The following IL4R variants were observed in gnomAD, a reference collection of about 807,000 sequenced individuals.
IL4R encodes the protein interleukin 4 receptor.
IL4R carries 17 observed loss-of-function variants against 41.5 expected under a neutral mutation model. That is an observed-to-expected ratio of 0.41 (90% CI 0.28 to 0.61). IL4R has a LOEUF of 0.61. Among genes scored for constraint, IL4R ranks in the 20% least tolerant of loss-of-function variants. IL4R has a pLI of 0.31. For synonymous variants in IL4R, 402 were observed against 422.9 expected, an observed-to-expected ratio of 0.95 and a Z score of 0.61; for missense variants, 974 against 1,043.1, an observed-to-expected ratio of 0.93 and a Z score of 0.91.
At chr16:27,320,563 C>G (rs1339949776) in intron 1 of IL4R, among the ~76,000 whole-genome samples, 1 of 152,162 alleles carries the variant, frequency 6.6e-6, no homozygotes, top group Non-Finnish European at 1.5e-5. Context: ...AGATTCAAAC[C>G]CAGGGCTACA....
chr16:27,316,673 C>T (rs991475926), intron 1 of IL4R, among the ~76,000 whole-genome samples: 1 of 152,188 alleles, frequency 6.6e-6, no homozygotes, highest in African/African-American at 2.4e-5. Flanking sequence ...TCTGTTGTTA[C>T]CTGTCAAAAC....
Position 27,344,931 on chromosome 16 carries a change from A to G in IL4R, c.272A>G (p.Asp91Gly). ...GGGTGCGTGTGCCACCTGCTCATGGATGACGTGGTCAGTGCGGATAACTAT... is the reference window on the plus strand; with the variant it reads ...GGGTGCGTGTGCCACCTGCTCATGGGTGACGTGGTCAGTGCGGATAACTAT... Reference protein sequence around the residue: ...GAGCVCHLLMDDVVSADNYTL... With the variant: ...GAGCVCHLLMGDVVSADNYTL... Residue 91 changes from aspartate (D) to glycine (G), a missense_variant, in exon 5 of 11, where the codon GAT (aspartate) becomes GGT (glycine). By Grantham distance (94) the Asp-to-Gly change is moderately conservative. Around this residue, in one of 3 missense-constraint regions of IL4R, gnomAD observed 284 missense variants for 313.4 expected, o/e 0.91. Transcript: ENST00000395762. 1 of 1,614,166 alleles carries G rather than the reference A, an allele frequency of 6.2e-7. No individual in the cohort carries two copies. The highest frequency in any genetic ancestry group is 8.5e-7 in the Non-Finnish European group (1 of 1,180,028).
At position 27,345,927 on chromosome 16, in the gene IL4R, A is replaced by G. The variant is rs1386728041; in HGVS notation, c.362-540A>G. On this transcript the variant is annotated intron_variant, in intron 5 of 10. Transcript: ENST00000395762. This position sits in a 1 kb window ranked among gnomAD's most constrained non-coding sequence, Gnocchi z 4.5. ...AAGGAGGTTGCAGTGAGCTTAGATC[A>G]TGCTACTGCCCTCCAGCCTGGGCGA... 6.6e-6 allele frequency among the ~76,000 whole-genome samples: 1 copy of G among 152,238 alleles called. No homozygotes were observed. Among genetic ancestry groups the G allele is most frequent in the Non-Finnish European group, 1.5e-5 (1 of 68,050 alleles).
chr16:27,360,359 G>A (rs1381931151), intron 9 of IL4R, among the ~76,000 whole-genome samples: 1 of 152,234 alleles, frequency 6.6e-6, no homozygotes, highest in Non-Finnish European at 1.5e-5. Flanking sequence ...CCTGAGCCAT[G>A]TGCCTCTCAC....
intron 2 of IL4R, among the ~76,000 whole-genome samples, chr16:27,336,324 A>G (rs112242357): frequency 0.017 from 2,534 of 152,188 alleles, 75 homozygotes; most frequent in African/African-American, 0.057. Flanking sequence ...TACTGCTTCT[A>G]CTGAACACCC....
At chr16:27,325,463 A>G (rs1004568217) in intron 1 of IL4R, among the ~76,000 whole-genome samples, 1 of 151,848 alleles carries the variant, frequency 6.6e-6, no homozygotes, top group African/African-American at 2.4e-5. Context: ...AGTCCCAGCT[A>G]CTCGGGAGAC....
chr16:27,326,132 A>G (rs1482649253), intron 1 of IL4R, among the ~76,000 whole-genome samples: 1 of 152,026 alleles, frequency 6.6e-6, no homozygotes, highest in Admixed American at 6.6e-5. Context: ...TAGCCTCCTC[A>G]CTGCTACCCA....
At chr16:27,327,947 C>T (rs796381963) in intron 1 of IL4R, among the ~76,000 whole-genome samples, 2 of 152,172 alleles carry the variant, frequency 1.3e-5, no homozygotes, top group African/African-American at 4.8e-5. Context: ...TGCGGTAGCT[C>T]ATGCCTGTAA....
chr16:27,360,728 G>A (rs754374806), intron 9 of IL4R, 38 bp from the exon 10 acceptor site: 1 of 1,613,868 alleles, frequency 6.2e-7, no homozygotes, highest in Non-Finnish European at 8.5e-7. Context: ...GGGCTGCAAG[G>A]CCACTCTGCT....
At chr16:27,358,386 C>G (rs1229410503) in intron 8 of IL4R, among the ~76,000 whole-genome samples, 1 of 152,242 alleles carries the variant, frequency 6.6e-6, no homozygotes, top group Non-Finnish European at 1.5e-5. Flanking sequence ...CAGAAGCGGT[C>G]TGAGGACCTT....
intron 2 of IL4R, among the ~76,000 whole-genome samples, chr16:27,330,764 T>G (rs1430575475): frequency 6.6e-6 from 1 of 152,108 alleles, no homozygotes; most frequent in Non-Finnish European, 1.5e-5. Flanking sequence ...TCCATGGTTA[T>G]GTGATTTCAA....
chr16:27,314,132 C>G (rs2084553518), intron 1 of IL4R, 112 bp downstream of exon 1: 2 of 980,088 alleles, frequency 2.0e-6, no homozygotes, highest in Non-Finnish European at 2.4e-6. Context: ...GGGACCACCC[C>G]GACTCCGAGC....
chr16:27,361,167 C>A, intron 10 of IL4R: 2 of 551,812 alleles, frequency 3.6e-6, no homozygotes, highest in Non-Finnish European at 5.2e-6. Flanking sequence ...TATACAGGAT[C>A]TCACTCTGTG....
At position 27,360,669 on chromosome 16, in the gene IL4R, G is replaced by A; in HGVS notation, c.850-97G>A. ...GTGACCTGTTGGACTTCTGATCTGT[G>A]TGATGTCGAGGCTTGTACCCCTTCC... On this transcript the variant is annotated intron_variant, in intron 9 of 10. Coordinates refer to ENST00000395762, the MANE Select transcript of IL4R (RefSeq NM_000418.4). The A allele has an allele frequency of 2.8e-6, 4 of 1,431,600 alleles. No homozygotes were observed. The Admixed American group carries it at 5.0e-5, about 18-fold the overall frequency. The allele number at this position is 1,431,600 out of a possible 1,614,324, so 88.7% of individuals were successfully genotyped here. A position where few individuals can be genotyped will look rare whatever the true frequency, so the allele number is the denominator to read the frequency against.
At chr16:27,344,230 A>G (rs374143089) in intron 4 of IL4R, among the ~76,000 whole-genome samples, 2 of 151,828 alleles carry the variant, frequency 1.3e-5, no homozygotes, top group African/African-American at 2.4e-5. Context: ...GCTTGAGCCC[A>G]GGAGGTGGAG....
In IL4R at chr16:27,363,652, G is replaced by C; in HGVS notation, c.2300G>C (p.Gly767Ala). The change falls in exon 11 of 11, where the codon GGT (glycine) becomes GCT (alanine). Residue 767 changes from glycine (G) to alanine (A), a missense_variant. Physicochemically the swap from Gly to Ala is moderately conservative, Grantham distance 60. This residue lies in a region of IL4R where 682 missense variants were observed against 704.3 expected (regional missense o/e 0.97). Coordinates refer to ENST00000395762, the MANE Select transcript of IL4R (RefSeq NM_000418.4). ...CTGAGGGCCCCAGACCCCTCTCCAG[G>C]TGGGGTTCCACTGGAGGCCAGTCTG... The part of the protein sequence containing the change: ...TPLRAPDPSP[G>A]GVPLEASLCP... The C allele has an allele frequency of 6.2e-7, 1 of 1,613,828 alleles. No individual in the cohort carries two copies. Among genetic ancestry groups the C allele is most frequent in the Non-Finnish European group, 8.5e-7 (1 of 1,179,946 alleles).
chr16:27,349,191 C>T (rs2085775170), intron 6 of IL4R, among the ~76,000 whole-genome samples: 1 of 152,192 alleles, frequency 6.6e-6, no homozygotes, highest in Admixed American at 6.5e-5. Flanking sequence ...TTGGCTTAGA[C>T]TAATGAGGGT....
rs753631151 is a variant in IL4R at position 27,355,850 on chromosome 16, G to C, written c.713G>C (p.Ser238Thr). The change falls in exon 8 of 11, where the codon AGC (serine) becomes ACC (threonine). Residue 238 changes from serine to threonine, a missense_variant. This residue lies in a region of IL4R where 284 missense variants were observed against 313.4 expected (regional missense o/e 0.91). Transcript: ENST00000395762. ...PFEQHLLLGV[S>T]VSCIVILAVC... ...GAGCAGCACCTCCTGCTGGGCGTCAGCGTTTCCTGCATTGTCATCCTGGCC... is the reference window on the plus strand; with the variant it reads ...GAGCAGCACCTCCTGCTGGGCGTCACCGTTTCCTGCATTGTCATCCTGGCC... 1 of 1,613,762 alleles carries C rather than the reference G, an allele frequency of 6.2e-7. No individual in the cohort carries two copies. The highest frequency in any genetic ancestry group is 2.2e-5 in the East Asian group (1 of 44,868).
Position 27,362,789 on chromosome 16 carries a change from A to G in IL4R, c.1437A>G (p.Pro479=), listed in dbSNP as rs201287236. The change falls in exon 11 of 11, where the codon CCA becomes CCG. Residue 479 remains proline (P), a synonymous_variant. Transcript: ENST00000395762. ...CTCCTGCCAGCCCGACCCAGAGTCC[A>G]GACAACCTGACTTGCACAGAGACGC... is the stretch of plus-strand genomic sequence containing the variant. ...PSPPASPTQS[P]DNLTCTETPL... is the part of the protein sequence containing the mutation. 33 of 1,614,166 alleles carry G rather than the reference A, an allele frequency of 2.0e-5. No individual in the cohort carries two copies. In the African/African-American group the frequency reaches 2.7e-4, roughly 13 times the overall value.
Sources: gnomAD v4.1 joint callset for allele counts (sites outside exome capture counted in the v4.1 genomes callset) on GRCh38, gnomAD v4.1.1 for gene constraint, gnomAD v4.1.1 regional missense constraint, Gnocchi (gnomAD v3.1) non-coding constraint, MANE v1.5 for transcripts, NCBI Gene and HGNC (gene_info 2026-07-23, HGNC 2026-07-21) for gene names.